The following SMARCC1 variants were observed in gnomAD, a reference collection of about 807,000 sequenced individuals.
The protein encoded by SMARCC1 is SWI/SNF related BAF chromatin remodeling complex subunit C1.
A neutral mutation model predicts 147.4 loss-of-function variants in SMARCC1; 43 were observed. The observed-to-expected ratio is 0.29, with a 90% CI of 0.23 to 0.38. The LOEUF is 0.38. Among genes scored for constraint, SMARCC1 ranks in the 10% least tolerant of loss-of-function variants. The pLI is 1.00. For synonymous variants in SMARCC1, 495 were observed against 484.4 expected (o/e 1.02, Z -0.29); for missense variants, 1,119 against 1,381.1 (o/e 0.81, Z 3.01).
At chr3:47,725,594 G>A (rs1248442161) in intron 6 of SMARCC1, among the ~76,000 whole-genome samples, 1 of 152,028 alleles carries the variant, frequency 6.6e-6, no homozygotes, top group African/African-American at 2.4e-5. Context: ...GGAATGACAG[G>A]GGCCCGCCAC....
intron 2 of SMARCC1, among the ~76,000 whole-genome samples, chr3:47,758,131 C>T (rs111562325): frequency 3.3e-5 from 5 of 151,996 alleles, no homozygotes; most frequent in African/African-American, 4.8e-5. Flanking sequence ...AAACAGCTAT[C>T]GAAAAACAAC....
intron 19 of SMARCC1, among the ~76,000 whole-genome samples, chr3:47,666,757 T>C (rs1238644067): frequency 6.6e-6 from 1 of 152,068 alleles, no homozygotes; most frequent in Non-Finnish European, 1.5e-5. Flanking sequence ...TCATCAGCTA[T>C]TGTTAGTGTT....
intron 26 of SMARCC1, among the ~76,000 whole-genome samples, chr3:47,597,966 C>A (rs1052896043): frequency 2.0e-5 from 3 of 152,134 alleles, no homozygotes; most frequent in Non-Finnish European, 4.4e-5. Flanking sequence ...ACAGAGGTAT[C>A]GGTGAAGGGA....
intron 19 of SMARCC1, among the ~76,000 whole-genome samples, chr3:47,663,078 A>C (rs1179252394): frequency 7.1e-6 from 1 of 140,184 alleles, no homozygotes; most frequent in African/African-American, 2.7e-5. Flanking sequence ...GAAAGAAAGA[A>C]AAGAAGAAAC....
intron 25 of SMARCC1, among the ~76,000 whole-genome samples, chr3:47,613,453 G>A (rs1403616733): frequency 4.7e-5 from 7 of 150,100 alleles, no homozygotes; most frequent in South Asian, 2.1e-4. Context: ...GTCGCCTTCC[G>A]GGTTCAAGCA....
At chr3:47,619,673 CA>C (rs781302956) in intron 25 of SMARCC1, among the ~76,000 whole-genome samples, 72 of 152,274 alleles carry the variant, frequency 4.7e-4, no homozygotes, top group South Asian at 1.7e-3. Flanking sequence ...AGGAGACAAT[CA>C]ATGGTGTGAG....
chr3:47,628,971 T>A (rs2032850226), intron 24 of SMARCC1, among the ~76,000 whole-genome samples: 1 of 152,144 alleles, frequency 6.6e-6, no homozygotes, highest in Non-Finnish European at 1.5e-5. Flanking sequence ...TGCAAAACTC[T>A]GCTAATTTTT....
Position 47,590,867 on chromosome 3 carries a change from T to A in SMARCC1, c.3044-30A>T, listed in dbSNP as rs200776888. On this transcript the variant is annotated intron_variant, in intron 26 of 27. Transcript: ENST00000254480. The stretch of plus-strand genomic sequence containing the variant: ...GGAGGGAGATTTAAAGTACTGTAAG[T>A]ATACTAGAAAGGGGTGTAAGAAAGG... 6.2e-5 allele frequency: 98 copies of A among 1,580,822 alleles called. 1 individual carries two copies. Among genetic ancestry groups the A allele is most frequent in the Non-Finnish European group, 7.9e-5 (92 of 1,164,470 alleles).
intron 17 of SMARCC1, among the ~76,000 whole-genome samples, chr3:47,675,837 C>G (rs760876410): frequency 1.3e-5 from 2 of 151,692 alleles, no homozygotes; most frequent in Admixed American, 1.3e-4. Flanking sequence ...CTCAGCTACT[C>G]AGGAGGCTGA....
At chr3:47,599,713 G>A (rs1356636324) in intron 26 of SMARCC1, among the ~76,000 whole-genome samples, 1 of 152,132 alleles carries the variant, frequency 6.6e-6, no homozygotes, top group Non-Finnish European at 1.5e-5. Flanking sequence ...TGCAAACCCT[G>A]GTGTCACCAA....
At chr3:47,592,284 C>A (rs1193367178) in intron 26 of SMARCC1, among the ~76,000 whole-genome samples, 2 of 152,206 alleles carry the variant, frequency 1.3e-5, no homozygotes, top group Non-Finnish European at 2.9e-5. Flanking sequence ...CACAACTATT[C>A]AACTCTGCAA....
chr3:47,674,745 GCT>G (rs2033548369), intron 18 of SMARCC1, among the ~76,000 whole-genome samples: 1 of 151,924 alleles, frequency 6.6e-6, no homozygotes, highest in Non-Finnish European at 1.5e-5. Flanking sequence ...GCTTGGCCTG[GCT>G]CTGTCTTTCT....
intron 27 of SMARCC1, among the ~76,000 whole-genome samples, chr3:47,589,127 T>TC (rs2108222199): frequency 6.6e-6 from 1 of 152,310 alleles, no homozygotes; most frequent in South Asian, 2.1e-4. Context: ...TTGAAAGCAT[T>TC]CTGAAGCTCA....
In SMARCC1 at chr3:47,736,027, C is replaced by G. The variant is rs201513443; in HGVS notation, c.576+7G>C. The G allele has an allele frequency of 6.9e-4, 966 of 1,406,026 alleles. 1 individual carries two copies. The highest frequency in any genetic ancestry group is 9.0e-4 in the Non-Finnish European group (906 of 1,002,640). 87.1% of individuals were successfully genotyped at this position (1,406,026 alleles called of 1,614,324 possible). On this transcript the variant is annotated splice_region_variant and intron_variant, in intron 5 of 27. Transcript: ENST00000254480. Reference sequence around the variant, plus strand: ...CTATTATTATCTGAAGTGATTGTGTCTATTACCTGATGTCGTTTGATGATA... The same window carrying G: ...CTATTATTATCTGAAGTGATTGTGTGTATTACCTGATGTCGTTTGATGATA...
intron 1 of SMARCC1, among the ~76,000 whole-genome samples, chr3:47,774,812 C>T (rs1017618760): frequency 6.7e-6 from 1 of 149,404 alleles, no homozygotes; most frequent in Non-Finnish European, 1.5e-5. Flanking sequence ...GGACCATATA[C>T]TTTTTTTTTT....
intron 19 of SMARCC1, among the ~76,000 whole-genome samples, chr3:47,669,137 A>G (rs2033464117): frequency 2.0e-5 from 3 of 152,202 alleles, no homozygotes; most frequent in African/African-American, 7.2e-5. Context: ...CTGTTGACTG[A>G]ATTGCAAGAT....
chr3:47,722,055 T>C (rs919236774), intron 6 of SMARCC1, among the ~76,000 whole-genome samples: 2 of 151,824 alleles, frequency 1.3e-5, no homozygotes, highest in Admixed American at 6.6e-5. Context: ...TCAGGCCCTG[T>C]TCCCTAACAT....
At chr3:47,638,066 A>G (rs2032994617) in intron 22 of SMARCC1, among the ~76,000 whole-genome samples, 1 of 152,096 alleles carries the variant, frequency 6.6e-6, no homozygotes, top group South Asian at 2.1e-4. Flanking sequence ...TCAAACCTTA[A>G]AATTCGATAT....
chr3:47,718,725 A>T (rs1161437543), intron 7 of SMARCC1, among the ~76,000 whole-genome samples: 2 of 151,844 alleles, frequency 1.3e-5, no homozygotes, highest in South Asian at 2.1e-4. Flanking sequence ...AAATAAAAAT[A>T]AAAAAAGTAG....
Sources: gnomAD v4.1 joint callset for allele counts (sites outside exome capture counted in the v4.1 genomes callset) on GRCh38, gnomAD v4.1.1 for gene constraint, MANE v1.5 for transcripts, NCBI Gene and HGNC (gene_info 2026-07-23, HGNC 2026-07-21) for gene names.